KCNQ1OT1: variants seen among roughly 807,000 people sequenced by gnomAD.
KCNQ1OT1 encodes KCNQ1 antisense RNA 2 (non-protein coding).
exon 1 of KCNQ1OT1, chr11:2,648,906 T>A (rs549705930): frequency 2.0e-5 from 8 of 398,244 alleles, no homozygotes; most frequent in African/African-American, 1.6e-4. Flanking sequence ...GTTGCATATA[T>A]AATTGTTATA....
At chr11:2,667,835 T>C (rs907743953) in exon 1 of KCNQ1OT1, 1 of 398,572 alleles carries the variant, frequency 2.5e-6, no homozygotes, top group Admixed American at 4.4e-5. Flanking sequence ...TGTTAAACTT[T>C]TAGTTAAAGG....
Position 2,668,582 on chromosome 11 carries a change from G to T in KCNQ1OT1, n.31413C>A. The T allele has an allele frequency of 2.5e-6, 1 of 398,610 alleles. No homozygotes were observed. Among genetic ancestry groups the T allele is most frequent in the East Asian group, 3.6e-5 (1 of 28,078 alleles). The allele number at this position is 398,610 out of a possible 1,614,324, so 24.7% of individuals were successfully genotyped here. A position where few individuals can be genotyped will look rare whatever the true frequency, so the allele number is the denominator to read the frequency against. The stretch of plus-strand genomic sequence containing the variant: ...CCCTTTCCATGTTATCATTTAGTCA[G>T]ATACATCATTCTGTATAAATTGCCT... On this transcript the variant is annotated non_coding_transcript_exon_variant, in exon 1 of 1. Transcript: ENST00000597346. This position sits in a 1 kb window ranked among gnomAD's most constrained non-coding sequence, Gnocchi z 4.3.
At chr11:2,648,665 T>G (rs1400330917) in exon 1 of KCNQ1OT1, 1 of 398,550 alleles carries the variant, frequency 2.5e-6, no homozygotes, top group Non-Finnish European at 4.4e-6. Context: ...TTTTAAAAAT[T>G]TATTGAGACC....
rs957116994 is a variant in KCNQ1OT1 at position 2,663,049 on chromosome 11, C to T, written n.36946G>A. ...ATGGTGCTGGGGGCTGCAGGTGTAACCAGAGAACTGGCAGGGTTGGGTAGC... is the reference window on the plus strand; with the variant it reads ...ATGGTGCTGGGGGCTGCAGGTGTAATCAGAGAACTGGCAGGGTTGGGTAGC... On this transcript the variant is annotated non_coding_transcript_exon_variant, in exon 1 of 1. Coordinates refer to ENST00000597346, the Ensembl canonical transcript of KCNQ1OT1. The surrounding 1 kb of genome is among the most constrained non-coding windows in gnomAD (Gnocchi z 5.2). 4 of 398,614 alleles carry T rather than the reference C, an allele frequency of 1.0e-5. No individual in the cohort carries two copies. The highest frequency in any genetic ancestry group is 8.8e-5 in the Admixed American group (2 of 22,712). The allele number at this position is 398,614 out of a possible 1,614,324, so 24.7% of individuals were successfully genotyped here.
chr11:2,665,639 T>C (rs943929685), exon 1 of KCNQ1OT1: 2 of 397,514 alleles, frequency 5.0e-6, no homozygotes, highest in Non-Finnish European at 8.9e-6. Context: ...CTCCTTTGGC[T>C]CTCAAAGCCC....
In KCNQ1OT1 at chr11:2,667,548, A is replaced by G. The variant is rs1850100728; in HGVS notation, n.32447T>C. The G allele has an allele frequency of 4.5e-5, 6 of 133,770 alleles. No individual in the cohort carries two copies. The Admixed American group carries it at 5.7e-4, about 13-fold the overall frequency. The allele number at this position is 133,770 out of a possible 1,614,324, so 8.3% of individuals were successfully genotyped here. On this transcript the variant is annotated non_coding_transcript_exon_variant, in exon 1 of 1. Coordinates refer to ENST00000597346, the Ensembl canonical transcript of KCNQ1OT1. ...ACTTCACAACTGCACTGATATTGTC[A>G]TGGAGACACTTCTGGCAGTTGGGGC...
exon 1 of KCNQ1OT1, chr11:2,697,107 CAAAGAT>C (rs1739970216): frequency 2.5e-6 from 1 of 398,550 alleles, no homozygotes; most frequent in Non-Finnish European, 4.4e-6. Flanking sequence ...TTCATTCTCA[CAAAGAT>C]AAAGAGTTTT....
chr11:2,671,465 G>A lies in KCNQ1OT1; in HGVS notation n.28530C>T. 2.5e-6 allele frequency: 1 copy of A among 398,596 alleles called. No homozygotes were observed. Among genetic ancestry groups the A allele is most frequent in the Non-Finnish European group, 4.4e-6 (1 of 226,068 alleles). 24.7% of individuals were successfully genotyped at this position (398,596 alleles called of 1,614,324 possible). Reference sequence around the variant, plus strand: ...CAGGCAGAAGAGCAACCCAGCAGGGGATATACACAAAGATCTGAGAAAGGG... The same window carrying A: ...CAGGCAGAAGAGCAACCCAGCAGGGAATATACACAAAGATCTGAGAAAGGG... On this transcript the variant is annotated non_coding_transcript_exon_variant, in exon 1 of 1. Coordinates refer to ENST00000597346, the Ensembl canonical transcript of KCNQ1OT1. This position sits in a 1 kb window ranked among gnomAD's most constrained non-coding sequence, Gnocchi z 4.7.
Position 2,626,316 on chromosome 11 carries a change from A to C in KCNQ1OT1, n.73679T>G, listed in dbSNP as rs1849261695. ...CATTCTCTTGAGTTAATTTTTGTGT[A>C]TGGTATTAGGTAAGGGTCTCAACTT... On this transcript the variant is annotated non_coding_transcript_exon_variant, in exon 1 of 1. Coordinates refer to ENST00000597346, the Ensembl canonical transcript of KCNQ1OT1. This position sits in a 1 kb window ranked among gnomAD's most constrained non-coding sequence, Gnocchi z 4.0. 2 of 398,352 alleles carry C rather than the reference A, an allele frequency of 5.0e-6. No homozygotes were observed. Among genetic ancestry groups the C allele is most frequent in the Non-Finnish European group, 8.8e-6 (2 of 226,060 alleles). 24.7% of individuals were successfully genotyped at this position (398,352 alleles called of 1,614,324 possible). A position where few individuals can be genotyped will look rare whatever the true frequency, so the allele number is the denominator to read the frequency against.
At chr11:2,616,248 T>C (rs1849062352) in exon 1 of KCNQ1OT1, 2 of 397,614 alleles carry the variant, frequency 5.0e-6, no homozygotes, top group Non-Finnish European at 8.9e-6. Context: ...GTTCCTACTT[T>C]TGTTTATGAT....
chr11:2,675,429 C>A (rs1192951270), exon 1 of KCNQ1OT1: 1 of 398,360 alleles, frequency 2.5e-6, no homozygotes, highest in Non-Finnish European at 4.4e-6. Context: ...TGTCATTTTG[C>A]GTTAAAATAA....
In KCNQ1OT1 at chr11:2,668,667, T is replaced by C. The variant is rs1590020141; in HGVS notation, n.31328A>G. 2.5e-6 allele frequency: 1 copy of C among 398,436 alleles called. No homozygotes were observed. Among genetic ancestry groups the C allele is most frequent in the African/African-American group, 2.1e-5 (1 of 48,598 alleles). 24.7% of individuals were successfully genotyped at this position (398,436 alleles called of 1,614,324 possible). A position where few individuals can be genotyped will look rare whatever the true frequency, so the allele number is the denominator to read the frequency against. ...CTATATATCTTTAGATATTCTGGAG[T>C]CATTTGTCAGAGAGAGAGATACACA... On this transcript the variant is annotated non_coding_transcript_exon_variant, in exon 1 of 1. Transcript: ENST00000597346. This position sits in a 1 kb window ranked among gnomAD's most constrained non-coding sequence, Gnocchi z 4.3.
exon 1 of KCNQ1OT1, chr11:2,628,968 G>A (rs982163022): frequency 4.3e-5 from 17 of 398,062 alleles, no homozygotes; most frequent in African/African-American, 3.3e-4. Context: ...TGTTCCATTG[G>A]TTTATTTCTA....
chr11:2,609,874 T>C (rs1848949926), exon 1 of KCNQ1OT1: 1 of 398,176 alleles, frequency 2.5e-6, no homozygotes, highest in Non-Finnish European at 4.4e-6. Flanking sequence ...TATATCTTTT[T>C]CCATCCTTTT....
exon 1 of KCNQ1OT1, chr11:2,650,706 C>A (rs1849743688): frequency 5.0e-6 from 2 of 398,528 alleles, no homozygotes; most frequent in Admixed American, 4.4e-5. Context: ...TTTTGCAGTG[C>A]TGGGCAGGGG....
Position 2,678,241 on chromosome 11 carries a change from T to C in KCNQ1OT1, n.21754A>G. 1 of 398,410 alleles carries C rather than the reference T, an allele frequency of 2.5e-6. No individual in the cohort carries two copies. The highest frequency in any genetic ancestry group is 4.4e-6 in the Non-Finnish European group (1 of 225,960). The allele number at this position is 398,410 out of a possible 1,614,324, so 24.7% of individuals were successfully genotyped here. ...AGTCTTTTATGGTTTGAGGTCCTTATCTTAAATTCTGAAATAACCTCTCAT... is the reference window on the plus strand; with the variant it reads ...AGTCTTTTATGGTTTGAGGTCCTTACCTTAAATTCTGAAATAACCTCTCAT... On this transcript the variant is annotated non_coding_transcript_exon_variant, in exon 1 of 1. Coordinates refer to ENST00000597346, the Ensembl canonical transcript of KCNQ1OT1. This position sits in a 1 kb window ranked among gnomAD's most constrained non-coding sequence, Gnocchi z 4.9.
chr11:2,620,714 GA>G lies in KCNQ1OT1; in HGVS notation n.79280del. The G allele has an allele frequency of 2.5e-6, 1 of 398,554 alleles. No homozygotes were observed. Among genetic ancestry groups the G allele is most frequent in the Non-Finnish European group, 4.4e-6 (1 of 226,038 alleles). 24.7% of individuals were successfully genotyped at this position (398,554 alleles called of 1,614,324 possible). ...CCTTTGAATATATATCCAGTAATGG[GA>G]TTGCTGGGTCAGATGGTAGTTCTGT... On this transcript the variant is annotated non_coding_transcript_exon_variant, in exon 1 of 1. Coordinates refer to ENST00000597346, the Ensembl canonical transcript of KCNQ1OT1. The surrounding 1 kb of genome is among the most constrained non-coding windows in gnomAD (Gnocchi z 4.5).
In KCNQ1OT1 at chr11:2,658,352, G is replaced by A. The variant is rs1564847733; in HGVS notation, n.41643C>T. 2.5e-6 allele frequency: 1 copy of A among 398,398 alleles called. No individual in the cohort carries two copies. The highest frequency in any genetic ancestry group is 2.1e-5 in the African/African-American group (1 of 48,590). 24.7% of individuals were successfully genotyped at this position (398,398 alleles called of 1,614,324 possible). A position where few individuals can be genotyped will look rare whatever the true frequency, so the allele number is the denominator to read the frequency against. ...CAATTGTTTATTTAATTTTATCAGT[G>A]TGGATTTGGGAGTATTTATTTTTTG... On this transcript the variant is annotated non_coding_transcript_exon_variant, in exon 1 of 1. Coordinates refer to ENST00000597346, the Ensembl canonical transcript of KCNQ1OT1. This position sits in a 1 kb window ranked among gnomAD's most constrained non-coding sequence, Gnocchi z 4.9.
exon 1 of KCNQ1OT1, chr11:2,699,455 C>T (rs1416800160): frequency 1.0e-5 from 4 of 399,546 alleles, no homozygotes; most frequent in South Asian, 1.1e-4. Flanking sequence ...ACTGAGGAGC[C>T]GCCGGGAGAG....
Sources: allele counts gnomAD v4.1 joint callset, GRCh38; gene constraint gnomAD v4.1.1; non-coding constraint Gnocchi (gnomAD v3.1); transcripts MANE v1.5; gene names NCBI Gene and HGNC (gene_info 2026-07-23, HGNC 2026-07-21).